L3MBTL4: variants seen among roughly 807,000 people sequenced by gnomAD.
L3MBTL4 encodes L3MBTL histone methyl-lysine binding protein 4, also known as lethal(3)malignant brain tumor-like protein 4.
A neutral mutation model predicts 84.5 loss-of-function variants in L3MBTL4; 70 were observed. The ratio of observed to expected loss-of-function variants is 0.83; its 90% CI spans 0.68 to 1.01. The LOEUF is 1.01. Among genes scored for constraint, L3MBTL4 ranks in the 50% least tolerant of loss-of-function variants. The pLI is 0.00. For missense variants in L3MBTL4, 715 were observed against 754.8 expected (o/e 0.95, Z 0.62); for synonymous variants, 274 against 259.8 (o/e 1.05, Z -0.52).
At chr18:6,234,927 T>A (rs1264946777) in intron 10 of L3MBTL4, among the ~76,000 whole-genome samples, 3 of 152,098 alleles carry the variant, frequency 2.0e-5, no homozygotes, top group Non-Finnish European at 2.9e-5. Context: ...CAAATGACCA[T>A]CAGTCATAGA....
At position 5,997,394 on chromosome 18, in the gene L3MBTL4, ACTC is replaced by A. The variant is rs969434155; in HGVS notation, c.1445-27835_1445-27833del. The stretch of plus-strand genomic sequence containing the variant: ...TCCTTGTGGACAAAGGACAGACAGA[ACTC>A]AAAGTCATCCCAGTGGGCCTCACTG... On this transcript the variant is annotated intron_variant, in intron 16 of 18. Transcript: ENST00000317931. Among the ~76,000 whole-genome samples the A allele has an allele frequency of 4.9e-4, 70 of 142,124 alleles. 8 individuals carry two copies. Among genetic ancestry groups the A allele is most frequent in the African/African-American group, 2.1e-3 (66 of 32,054 alleles). 93.2% of individuals were successfully genotyped at this position (142,124 alleles called of 152,430 possible).
intron 13 of L3MBTL4, among the ~76,000 whole-genome samples, chr18:6,162,785 G>A (rs577452204): frequency 3.2e-4 from 48 of 152,298 alleles, no homozygotes; most frequent in Middle Eastern, 3.4e-3. Flanking sequence ...TGATTTTCCC[G>A]TAAGAAAAGT....
chr18:6,215,136 G>A (rs532800875), intron 11 of L3MBTL4, among the ~76,000 whole-genome samples: 132 of 152,168 alleles, frequency 8.7e-4, no homozygotes, highest in Non-Finnish European at 1.5e-3. Flanking sequence ...TGGGGAACAT[G>A]AAACACACAG....
At chr18:6,397,679 C>T (rs1396304948) in intron 1 of L3MBTL4, 2 of 151,744 alleles carry the variant, frequency 1.3e-5, no homozygotes, top group African/African-American at 2.4e-5. Flanking sequence ...TGAGACCCGT[C>T]TTGACAAAAA....
At chr18:6,261,631 C>G (rs1475761236) in intron 5 of L3MBTL4, among the ~76,000 whole-genome samples, 1 of 152,182 alleles carries the variant, frequency 6.6e-6, no homozygotes, top group Non-Finnish European at 1.5e-5. Context: ...ATGATCACAC[C>G]ATTCCCAACA....
At chr18:5,990,875 C>T (rs961520572) in intron 16 of L3MBTL4, among the ~76,000 whole-genome samples, 1 of 151,776 alleles carries the variant, frequency 6.6e-6, no homozygotes, top group South Asian at 2.1e-4. Context: ...AAGGGATGGT[C>T]GTGAAGATTA....
chr18:5,964,116 A>G (rs1469830240), intron 17 of L3MBTL4, among the ~76,000 whole-genome samples: 1 of 152,244 alleles, frequency 6.6e-6, no homozygotes, highest in African/African-American at 2.4e-5. Context: ...TGCTGTGACC[A>G]CTGACACACC....
Position 6,212,958 on chromosome 18 carries a change from T to A in L3MBTL4, c.981+191A>T, listed in dbSNP as rs558363964. ...GGTGTGAGTTATACACTCTCCTTTT[T>A]TAGGGATCCTCTAGTCCCATCTTGG... On this transcript the variant is annotated intron_variant, in intron 12 of 18. Coordinates refer to ENST00000317931, the MANE Select transcript of L3MBTL4 (RefSeq NM_001330559.2). 7.2e-5 allele frequency among the ~76,000 whole-genome samples: 11 copies of A among 152,340 alleles called. No individual in the cohort carries two copies. In the East Asian group the frequency reaches 2.1e-3, roughly 29 times the overall value.
intron 10 of L3MBTL4, among the ~76,000 whole-genome samples, chr18:6,219,145 G>T (rs760262582): frequency 5.3e-5 from 8 of 152,020 alleles, no homozygotes; most frequent in African/African-American, 1.9e-4. Context: ...TGAGCAGCCT[G>T]CCAAGTGCTA....
At chr18:6,109,546 T>C (rs2059124786) in intron 14 of L3MBTL4, among the ~76,000 whole-genome samples, 1 of 152,164 alleles carries the variant, frequency 6.6e-6, no homozygotes, top group African/African-American at 2.4e-5. Flanking sequence ...CCTTTCTGAA[T>C]GATTCATTAA....
chr18:5,963,673 G>A (rs1598296957), intron 17 of L3MBTL4, among the ~76,000 whole-genome samples: 1 of 152,264 alleles, frequency 6.6e-6, no homozygotes, highest in Admixed American at 6.5e-5. Context: ...CAAAGGCCTT[G>A]ATTCAGTATT....
intron 14 of L3MBTL4, among the ~76,000 whole-genome samples, chr18:6,099,862 ACTAT>A (rs2058763201): frequency 6.6e-6 from 1 of 151,936 alleles, no homozygotes; most frequent in Admixed American, 6.6e-5. Flanking sequence ...TATCTACCTA[ACTAT>A]CTATCTATGA....
At chr18:6,410,728 C>G (rs2055931281) in intron 1 of L3MBTL4, among the ~76,000 whole-genome samples, 1 of 152,222 alleles carries the variant, frequency 6.6e-6, no homozygotes, top group South Asian at 2.1e-4. Flanking sequence ...CCACCTGATA[C>G]TTTTCAAACA....
chr18:6,114,519 T>C (rs2059298100), intron 14 of L3MBTL4, among the ~76,000 whole-genome samples: 1 of 152,204 alleles, frequency 6.6e-6, no homozygotes, highest in East Asian at 1.9e-4. Flanking sequence ...GTATGTATAC[T>C]CCCTTTATCA....
At chr18:6,152,408 C>G (rs2042936195) in intron 13 of L3MBTL4, among the ~76,000 whole-genome samples, 1 of 151,812 alleles carries the variant, frequency 6.6e-6, no homozygotes, top group African/African-American at 2.4e-5. Flanking sequence ...TATCTTTTGT[C>G]TTTTTGATAA....
intron 16 of L3MBTL4, among the ~76,000 whole-genome samples, chr18:6,034,969 T>C (rs1490630600): frequency 6.6e-6 from 1 of 151,778 alleles, no homozygotes; most frequent in East Asian, 1.9e-4. Context: ...TCTGTTCATG[T>C]CCTTTGCCCA....
At chr18:6,036,154 C>G (rs981096953) in intron 16 of L3MBTL4, among the ~76,000 whole-genome samples, 1 of 152,148 alleles carries the variant, frequency 6.6e-6, no homozygotes, top group African/African-American at 2.4e-5. Flanking sequence ...ATTAGTGTTT[C>G]GGTTTGGATC....
intron 4 of L3MBTL4, among the ~76,000 whole-genome samples, chr18:6,279,340 G>A (rs553108237): frequency 2.0e-4 from 30 of 151,720 alleles, no homozygotes; most frequent in African/African-American, 7.2e-4. Flanking sequence ...GGGAAAGAGA[G>A]GGGAAGGAGA....
intron 1 of L3MBTL4, among the ~76,000 whole-genome samples, chr18:6,318,214 A>G (rs2051208325): frequency 6.6e-6 from 1 of 152,070 alleles, no homozygotes; most frequent in South Asian, 2.1e-4. Context: ...CAAACCATCT[A>G]GGTAACAATT....
Sources: allele counts gnomAD v4.1 joint callset (sites outside exome capture counted in the v4.1 genomes callset), GRCh38; gene constraint gnomAD v4.1.1; transcripts MANE v1.5; gene names NCBI Gene and HGNC (gene_info 2026-07-23, HGNC 2026-07-21).